RERE: variants seen among roughly 807,000 people sequenced by gnomAD.
RERE encodes the protein arginine-glutamic acid dipeptide repeats.
RERE carries 40 observed loss-of-function variants against 146.1 expected under a neutral mutation model. The observed-to-expected ratio is 0.27, with a 90% CI of 0.21 to 0.36. The LOEUF (loss-of-function observed/expected upper bound fraction) is 0.36. RERE is among the 10% of genes least tolerant of loss of function. RERE has a pLI of 1.00. For missense variants in RERE, 1,933 were observed against 2,138.7 expected (o/e 0.90, Z 1.90); for synonymous variants, 1,003 against 866.0 (o/e 1.16, Z -2.78).
intron 1 of RERE, among the ~76,000 whole-genome samples, chr1:8,730,436 G>A (rs148010198): frequency 0.013 from 1,914 of 152,054 alleles, 46 homozygotes; most frequent in African/African-American, 0.045. Flanking sequence ...TCCGCCTCCC[G>A]GGTTCACCCC....
intron 3 of RERE, among the ~76,000 whole-genome samples, chr1:8,619,973 G>C (rs760359223): frequency 1.3e-5 from 2 of 152,164 alleles, no homozygotes; most frequent in Non-Finnish European, 2.9e-5. Flanking sequence ...TAGGTGCTGA[G>C]TTCCATAAAG....
intron 1 of RERE, among the ~76,000 whole-genome samples, chr1:8,724,853 C>T: frequency 7.4e-6 from 1 of 135,608 alleles, no homozygotes; most frequent in Non-Finnish European, 1.6e-5. Context: ...AAAAAATTTA[C>T]CTTTTATTTC....
intron 10 of RERE, among the ~76,000 whole-genome samples, chr1:8,469,278 TG>T (rs1218578043): frequency 1.3e-5 from 2 of 152,184 alleles, no homozygotes; most frequent in Non-Finnish European, 2.9e-5. Flanking sequence ...CCATGTTAAA[TG>T]AGATTTGATT....
At chr1:8,670,353 C>A (rs1030276105) in intron 1 of RERE, among the ~76,000 whole-genome samples, 10 of 152,090 alleles carry the variant, frequency 6.6e-5, no homozygotes, top group Non-Finnish European at 2.9e-5. Flanking sequence ...TGTCAGTTCC[C>A]CCATTATTTC....
At chr1:8,522,713 A>G (rs1448049600) in intron 7 of RERE, among the ~76,000 whole-genome samples, 1 of 152,044 alleles carries the variant, frequency 6.6e-6, no homozygotes, top group Non-Finnish European at 1.5e-5. Flanking sequence ...CTCTACTAAA[A>G]AATACAAAAA....
intron 4 of RERE, among the ~76,000 whole-genome samples, chr1:8,579,714 C>T (rs1646340330): frequency 6.6e-6 from 1 of 152,228 alleles, no homozygotes; most frequent in Non-Finnish European, 1.5e-5. Context: ...ATGCAAACTA[C>T]TGCCTAAGGC....
intron 12 of RERE, among the ~76,000 whole-genome samples, chr1:8,377,302 T>C (rs1642289967): frequency 6.9e-6 from 1 of 144,296 alleles, no homozygotes. Flanking sequence ...TCTAAACCTC[T>C]TGGAGGTTTA....
At chr1:8,768,818 G>T (rs1280308328) in intron 1 of RERE, among the ~76,000 whole-genome samples, 1 of 152,132 alleles carries the variant, frequency 6.6e-6, no homozygotes, top group Admixed American at 6.5e-5. Flanking sequence ...TCTCAAAAAT[G>T]TGGGTGTGGA....
Position 8,360,209 on chromosome 1 carries a change from C to T in RERE, c.3298G>A (p.Asp1100Asn), listed in dbSNP as rs753340477. 6.9e-6 allele frequency: 11 copies of T among 1,591,246 alleles called. No individual in the cohort carries two copies. Among genetic ancestry groups the T allele is most frequent in the African/African-American group, 1.3e-5 (1 of 74,404 alleles). Residue 1100 changes from aspartate to asparagine, a missense_variant, in exon 18 of 23, where the codon GAC (aspartate) becomes AAC (asparagine). Physicochemically the swap from Asp to Asn is conservative, Grantham distance 23 (BLOSUM62 1). Around this residue, in one of 11 missense-constraint regions of RERE, gnomAD observed 1,255 missense variants for 1,153.8 expected, o/e 1.09. Transcript: ENST00000400908. Reference protein sequence around the residue: ...TVQIKEEALDDAEEPESPPPP... With the variant: ...TVQIKEEALDNAEEPESPPPP... ...GGGGGGCTCTCAGGCTCCTCAGCGT[C>T]GTCCAGAGCCTCCTCCTTGATCTGG...
chr1:8,581,266 T>C (rs1646361197), intron 4 of RERE, among the ~76,000 whole-genome samples: 2 of 152,220 alleles, frequency 1.3e-5, no homozygotes, highest in Admixed American at 6.5e-5. Flanking sequence ...CATGGGCTTA[T>C]CTGCCATTAA....
intron 11 of RERE, among the ~76,000 whole-genome samples, chr1:8,436,763 G>C (rs1345347919): frequency 1.3e-5 from 2 of 152,104 alleles, no homozygotes; most frequent in African/African-American, 2.4e-5. Flanking sequence ...ATTTCAACAT[G>C]TAATCAATAT....
chr1:8,500,859 G>A (rs1239072994), intron 8 of RERE, among the ~76,000 whole-genome samples: 52 of 146,734 alleles, frequency 3.5e-4, no homozygotes, highest in African/African-American at 1.2e-3. Context: ...CTGCTGGGCC[G>A]CAACCCTGTC....
At chr1:8,617,115 C>T (rs1449979520) in intron 3 of RERE, among the ~76,000 whole-genome samples, 6 of 151,944 alleles carry the variant, frequency 3.9e-5, no homozygotes, top group Non-Finnish European at 8.8e-5. Flanking sequence ...GAGGCCGAGG[C>T]GGGCGGATCA....
intron 7 of RERE, among the ~76,000 whole-genome samples, chr1:8,530,881 C>T (rs1170469011): frequency 2.0e-5 from 3 of 150,682 alleles, no homozygotes; most frequent in Non-Finnish European, 3.0e-5. Flanking sequence ...TTAGTAGAGA[C>T]GGGGTTTCAC....
intron 1 of RERE, among the ~76,000 whole-genome samples, chr1:8,774,392 T>C (rs577615504): frequency 1.3e-5 from 2 of 150,348 alleles, no homozygotes; most frequent in Non-Finnish European, 3.0e-5. Context: ...TCGCTCTTGT[T>C]GCCCAGGCTG....
chr1:8,564,739 A>G (rs1042773622), intron 4 of RERE, among the ~76,000 whole-genome samples: 2 of 152,134 alleles, frequency 1.3e-5, no homozygotes, highest in Admixed American at 6.6e-5. Context: ...ACTATTCACA[A>G]TAAACAAGTT....
chr1:8,760,306 C>T (rs1334904979), intron 1 of RERE, among the ~76,000 whole-genome samples: 6 of 152,200 alleles, frequency 3.9e-5, no homozygotes, highest in Non-Finnish European at 7.3e-5. Context: ...GGATTAGAGG[C>T]GTAAGCCACT....
chr1:8,537,646 T>TA (rs764649606), intron 7 of RERE, among the ~76,000 whole-genome samples: 2 of 152,206 alleles, frequency 1.3e-5, no homozygotes, highest in African/African-American at 2.4e-5. Flanking sequence ...GAATGAAATA[T>TA]AAGTTTATAC....
intron 8 of RERE, 73 bp downstream of exon 8, chr1:8,508,554 G>A (rs370648094): frequency 3.6e-5 from 41 of 1,140,050 alleles, no homozygotes; most frequent in Middle Eastern, 1.9e-4. Context: ...AAGATGCTGC[G>A]CAACAGAATA....
Sources: gnomAD v4.1 joint callset for allele counts (sites outside exome capture counted in the v4.1 genomes callset) on GRCh38, gnomAD v4.1.1 for gene constraint, gnomAD v4.1.1 regional missense constraint, MANE v1.5 for transcripts, NCBI Gene and HGNC (gene_info 2026-07-23, HGNC 2026-07-21) for gene names.